Variants in KMT2B observed in about 807,000 individuals in gnomAD.
KMT2B encodes histone-lysine N-methyltransferase 2B.
Under a neutral mutation model 255.3 loss-of-function variants are expected in KMT2B, and 22 were observed. The ratio of observed to expected loss-of-function variants is 0.09; its 90% CI spans 0.06 to 0.12. The LOEUF (loss-of-function observed/expected upper bound fraction) is 0.12, where lower values mean the gene tolerates loss of function less well. Among genes scored for constraint, KMT2B ranks in the 10% least tolerant of loss-of-function variants. The probability of loss-of-function intolerance (pLI) is 1.00; values close to 1 mark genes in which losing one functional copy is unlikely to be tolerated. For missense variants in KMT2B, 3,149 were observed against 3,737.0 expected (o/e 0.84, Z 4.10); for synonymous variants, 1,730 against 1,498.1 (o/e 1.15, Z -3.57).
chr19:35,730,304 C>T (rs1488147326), intron 23 of KMT2B, 38 bp from the exon 24 acceptor site: 2 of 1,607,646 alleles, frequency 1.2e-6, no homozygotes, highest in Non-Finnish European at 1.7e-6. Flanking sequence ...ACCTCCCCCA[C>T]CAATGCAGCC....
In KMT2B at chr19:35,722,699, G is replaced by A; in HGVS notation, c.2703G>A (p.Arg901=). ...PRLSALPLRD[R]QDLATEDTSS... is the part of the protein sequence containing the mutation. Reference sequence around the variant, plus strand: ...TCAGTGCCCTCCCTCTCCGGGATCGGCAGGACCTCGCCACAGAGGGTAGGT... The same window carrying A: ...TCAGTGCCCTCCCTCTCCGGGATCGACAGGACCTCGCCACAGAGGGTAGGT... The change falls in exon 5 of 37, where the codon CGG becomes CGA. Residue 901 remains arginine (R), a synonymous_variant. Coordinates refer to ENST00000420124, the MANE Select transcript of KMT2B (RefSeq NM_014727.3). 6.2e-7 allele frequency: 1 copy of A among 1,603,766 alleles called. No individual in the cohort carries two copies. Among genetic ancestry groups the A allele is most frequent in the Non-Finnish European group, 8.5e-7 (1 of 1,174,826 alleles).
At chr19:35,730,501 C>A (rs747397677) in intron 24 of KMT2B, 37 bp from the exon 25 acceptor site, 21 of 1,613,982 alleles carry the variant, frequency 1.3e-5, no homozygotes, top group Middle Eastern at 1.6e-4. Context: ...CCTACCCTGT[C>A]CTGCCTGCCT....
intron 5 of KMT2B, 129 bp from the exon 6 acceptor site, chr19:35,722,866 C>T (rs551609730): frequency 7.0e-7 from 1 of 1,419,482 alleles, no homozygotes; most frequent in South Asian, 1.5e-5. Context: ...CCTAGAGCAA[C>T]TTCATTTGGG....
In KMT2B at chr19:35,732,974, T is replaced by C; in HGVS notation, c.6425T>C (p.Leu2142Pro). Reference sequence around the variant, plus strand: ...GAGTCACTCCCCCCGGCGCCTCCCCTGGCTAATGGCAGCCAGCCCTCCCAA... The same window carrying C: ...GAGTCACTCCCCCCGGCGCCTCCCCCGGCTAATGGCAGCCAGCCCTCCCAA... ...REESLPPAPP[L>P]ANGSQPSQGL... The change falls in exon 28 of 37, where the codon CTG (leucine) becomes CCG (proline). Residue 2142 changes from leucine (L) to proline (P), a missense_variant. Coordinates refer to ENST00000420124, the MANE Select transcript of KMT2B (RefSeq NM_014727.3). 1 of 1,602,974 alleles carries C rather than the reference T, an allele frequency of 6.2e-7. No individual in the cohort carries two copies. Among genetic ancestry groups the C allele is most frequent in the Non-Finnish European group, 8.5e-7 (1 of 1,175,568 alleles).
chr19:35,730,201 A>G, intron 23 of KMT2B, 76 bp downstream of exon 23: 1 of 1,602,822 alleles, frequency 6.2e-7, no homozygotes, highest in Non-Finnish European at 8.5e-7. Context: ...CGTGGCCCCC[A>G]GGCCTGGCCC....
chr19:35,722,841 G>A (rs1397831230), intron 5 of KMT2B, 123 bp downstream of exon 5: 1 of 1,429,642 alleles, frequency 7.0e-7, no homozygotes, highest in East Asian at 2.4e-5. Flanking sequence ...TGGCAAGTGG[G>A]CTGGAGTGCT....
Position 35,721,250 on chromosome 19 carries a change from C to T in KMT2B, c.1903C>T (p.Pro635Ser). ...ACCTCCCCCGGCCCCCTCCCCACCC[C>T]CTGCTCCTGCCACCTCCTCCCGGAG... ...PPPPPAPSPPPAPATSSRRPL... is the reference protein window; with the variant it reads ...PPPPPAPSPPSAPATSSRRPL... Residue 635 changes from proline to serine, a missense_variant, in exon 3 of 37, where the codon CCT becomes TCT. Pro to Ser is a moderately conservative substitution (Grantham distance 74, BLOSUM62 -1). Coordinates refer to ENST00000420124, the MANE Select transcript of KMT2B (RefSeq NM_014727.3). 1 of 1,527,998 alleles carries T rather than the reference C, an allele frequency of 6.5e-7. No homozygotes were observed. The highest frequency in any genetic ancestry group is 8.8e-7 in the Non-Finnish European group (1 of 1,136,652). The allele number at this position is 1,527,998 out of a possible 1,614,324, so 94.7% of individuals were successfully genotyped here. A position where few individuals can be genotyped will look rare whatever the true frequency, so the allele number is the denominator to read the frequency against.
chr19:35,732,506 T>G lies in KMT2B; in HGVS notation c.5957T>G (p.Leu1986Arg), dbSNP rs1290126442. The G allele has an allele frequency of 2.5e-6, 4 of 1,613,914 alleles. No homozygotes were observed. ...GAGGACATGGAGGTGGTGTCAGGACTGAGTGCTGCTGACCTGGACTTCGCG... is the reference window on the plus strand; with the variant it reads ...GAGGACATGGAGGTGGTGTCAGGACGGAGTGCTGCTGACCTGGACTTCGCG... ...DFEDMEVVSG[L>R]SAADLDFAAS... is the part of the protein sequence containing the mutation. The change falls in exon 28 of 37, where the codon CTG becomes CGG. Residue 1986 changes from leucine to arginine, a missense_variant. Leu to Arg is a moderately radical substitution (Grantham distance 102). Transcript: ENST00000420124.
At position 35,721,168 on chromosome 19, in the gene KMT2B, C is replaced by A; in HGVS notation, c.1821C>A (p.Pro607=). Residue 607 remains proline, a synonymous_variant, in exon 3 of 37, where the codon CCC becomes CCA. Transcript: ENST00000420124. ...AGAGACGGTCCATCCTAAGGGAACC[C>A]ACATTTCGCTGGACCTCACTGACCC... The part of the protein sequence containing the change: ...PEKRRSILRE[P]TFRWTSLTRE... The A allele has an allele frequency of 6.4e-7, 1 of 1,572,028 alleles. No individual in the cohort carries two copies. The highest frequency in any genetic ancestry group is 8.6e-7 in the Non-Finnish European group (1 of 1,160,054).
rs1421208256 is a variant in KMT2B, at chr19:35,721,538, C to T, written c.2191C>T (p.Pro731Ser). The T allele has an allele frequency of 6.2e-7, 1 of 1,611,696 alleles. No homozygotes were observed. Among genetic ancestry groups the T allele is most frequent in the Non-Finnish European group, 8.5e-7 (1 of 1,179,862 alleles). ...CGGGGCTCCAGCTCTGAGCAACGGG[C>T]CACAGACACAGGCTCAGCTACTGCA... ...PHGAPALSNG[P>S]QTQAQLLQPL... Residue 731 changes from proline (P) to serine (S), a missense_variant, in exon 3 of 37, where the codon CCA becomes TCA. By Grantham distance (74) the Pro-to-Ser change is moderately conservative. Around this residue, in one of 18 missense-constraint regions of KMT2B, gnomAD observed 1,188 missense variants for 1,106.4 expected, o/e 1.07. Transcript: ENST00000420124.
Position 35,733,069 on chromosome 19 carries a change from G to T in KMT2B, c.6520G>T (p.Val2174Leu), listed in dbSNP as rs772291191. 1 of 1,575,678 alleles carries T rather than the reference G, an allele frequency of 6.3e-7. No individual in the cohort carries two copies. The highest frequency in any genetic ancestry group is 8.6e-7 in the Non-Finnish European group (1 of 1,160,726). Reference protein sequence around the residue: ...AWLPGAPGVRVLSLGPAPEPP... With the variant: ...AWLPGAPGVRLLSLGPAPEPP... ...GCTCCCAGGGGCCCCAGGGGTCCGGGTGTTAAGCCTTGGCCCTGCCCCTGA... is the reference window on the plus strand; with the variant it reads ...GCTCCCAGGGGCCCCAGGGGTCCGGTTGTTAAGCCTTGGCCCTGCCCCTGA... Residue 2174 changes from valine to leucine, a missense_variant, in exon 28 of 37, where the codon GTG becomes TTG. Val to Leu is a conservative substitution (Grantham distance 32, BLOSUM62 1). Transcript: ENST00000420124. The surrounding 1 kb of genome is among the most constrained non-coding windows in gnomAD (Gnocchi z 4.3).
rs773651397 is a variant in KMT2B, at chr19:35,723,401, A to T, written c.3003-46A>T. On this transcript the variant is annotated intron_variant, in intron 6 of 36. Transcript: ENST00000420124. This position sits in a 1 kb window ranked among gnomAD's most constrained non-coding sequence, Gnocchi z 7.5. ...TGTGGAGAGCTTCCTCTCTTCCCCC[A>T]GACCACCAGTCCCCTACCCTGGTGA... 5 of 1,542,028 alleles carry T rather than the reference A, an allele frequency of 3.2e-6. No homozygotes were observed. The highest frequency in any genetic ancestry group is 4.4e-6 in the Non-Finnish European group (5 of 1,139,926).
rs750055813 is a variant in KMT2B at position 35,732,387 on chromosome 19, A to G, written c.5838A>G (p.Ser1946=). The G allele has an allele frequency of 2.0e-5, 32 of 1,612,936 alleles. No individual in the cohort carries two copies. The highest frequency in any genetic ancestry group is 2.5e-5 in the Non-Finnish European group (29 of 1,179,466). The change falls in exon 28 of 37, where the codon TCA becomes TCG. Residue 1946 remains serine (S), a synonymous_variant. Transcript: ENST00000420124. ...SPQLRVPPPT[S]VVTALTPTSG... ...AGCTCAGGGTGCCCCCTCCTACCTC[A>G]GTCGTCACAGCCCTCACACCTACCT...
Position 35,729,028 on chromosome 19 carries a change from C to G in KMT2B, c.4731C>G (p.Asp1577Glu). ...KDPAAFSHLE[D>E]PRQCALCLKY... ...CGGCTGCCTTCTCACACCTGGAGGA[C>G]CCCCGTCAGTGTGCACTCTGCCTCA... The change falls in exon 21 of 37, where the codon GAC (aspartate) becomes GAG (glutamate). Residue 1577 changes from aspartate to glutamate, a missense_variant. By Grantham distance (45) the Asp-to-Glu change is conservative. This residue lies in a region of KMT2B where 377 missense variants were observed against 471.0 expected (regional missense o/e 0.80). Coordinates refer to ENST00000420124, the MANE Select transcript of KMT2B (RefSeq NM_014727.3). The G allele has an allele frequency of 6.2e-7, 1 of 1,613,998 alleles. No individual in the cohort carries two copies. The highest frequency in any genetic ancestry group is 8.5e-7 in the Non-Finnish European group (1 of 1,179,890).
In KMT2B at chr19:35,729,004, G is replaced by A. The variant is rs767363975; in HGVS notation, c.4707G>A (p.Pro1569=). Residue 1569 remains proline, a synonymous_variant, in exon 21 of 37, where the codon CCG becomes CCA. Transcript: ENST00000420124. ...CTTCAGCATTCCAGGGCAAGGATCCGGCTGCCTTCTCACACCTGGAGGACC... is the reference window on the plus strand; with the variant it reads ...CTTCAGCATTCCAGGGCAAGGATCCAGCTGCCTTCTCACACCTGGAGGACC... ...DPSAAFQGKD[P]AAFSHLEDPR... is the part of the protein sequence containing the mutation. The A allele has an allele frequency of 1.5e-5, 25 of 1,613,928 alleles. No individual in the cohort carries two copies. Among genetic ancestry groups the A allele is most frequent in the Non-Finnish European group, 1.8e-5 (21 of 1,179,868 alleles).
In KMT2B at chr19:35,738,590, T is replaced by A. The variant is rs1039080863; in HGVS notation, c.*33T>A. The A allele has an allele frequency of 5.0e-5, 80 of 1,597,012 alleles. No individual in the cohort carries two copies. In the East Asian group the frequency reaches 1.7e-3, roughly 35 times the overall value. On this transcript the variant is annotated 3_prime_UTR_variant, in exon 37 of 37. Coordinates refer to ENST00000420124, the MANE Select transcript of KMT2B (RefSeq NM_014727.3). The surrounding 1 kb of genome is among the most constrained non-coding windows in gnomAD (Gnocchi z 8.7). ...GCTGCCCACCACGACCCCTCACACC[T>A]CCTGCTGCCGTCGCTGCCATCTTGC... is the stretch of plus-strand genomic sequence containing the variant.
chr19:35,727,053 G>A lies in KMT2B; in HGVS notation c.4004-103G>A, dbSNP rs1228949226. The A allele has an allele frequency of 6.8e-6, 5 of 731,244 alleles. No homozygotes were observed. In the East Asian group the frequency reaches 1.1e-4, roughly 16 times the overall value. 45.3% of individuals were successfully genotyped at this position (731,244 alleles called of 1,614,324 possible). On this transcript the variant is annotated intron_variant, in intron 14 of 36. Transcript: ENST00000420124. This position sits in a 1 kb window ranked among gnomAD's most constrained non-coding sequence, Gnocchi z 4.2. ...GGGACTAGTAGGGGCCCAAAACAGGGGCATAGTGGAGGCAGCTAAGGTACT... is the reference window on the plus strand; with the variant it reads ...GGGACTAGTAGGGGCCCAAAACAGGAGCATAGTGGAGGCAGCTAAGGTACT...
Position 35,720,587 on chromosome 19 carries a change from C to G in KMT2B, c.1240C>G (p.Pro414Ala). The G allele has an allele frequency of 6.6e-7, 1 of 1,517,586 alleles. No individual in the cohort carries two copies. The allele number at this position is 1,517,586 out of a possible 1,614,324, so 94.0% of individuals were successfully genotyped here. The change falls in exon 3 of 37, where the codon CCT becomes GCT. Residue 414 changes from proline to alanine, a missense_variant. Coordinates refer to ENST00000420124, the MANE Select transcript of KMT2B (RefSeq NM_014727.3). ...PPLTPPAPSP[P>A]PPLPPPSTSP... Reference sequence around the variant, plus strand: ...TCTGACTCCTCCAGCCCCTTCACCTCCTCCACCCCTCCCACCCCCTTCGAC... The same window carrying G: ...TCTGACTCCTCCAGCCCCTTCACCTGCTCCACCCCTCCCACCCCCTTCGAC...
rs1488906758 is a variant in KMT2B at position 35,730,360 on chromosome 19, G to T, written c.5095G>T (p.Gly1699Cys). Reference sequence around the variant, plus strand: ...CTTCCAGGAAATTGTGAACCCCGATGGTTTTGATGTTCTCCGCCGAGTCTA... The same window carrying T: ...CTTCCAGGAAATTGTGAACCCCGATTGTTTTGATGTTCTCCGCCGAGTCTA... The part of the protein sequence containing the change: ...LDGKEIVNPD[G>C]FDVLRRVYVD... Residue 1699 changes from glycine to cysteine, a missense_variant, in exon 24 of 37, where the codon GGT becomes TGT. Physicochemically the swap from Gly to Cys is radical, Grantham distance 159. Around this residue, in one of 18 missense-constraint regions of KMT2B, gnomAD observed 58 missense variants for 96.9 expected, o/e 0.60. Coordinates refer to ENST00000420124, the MANE Select transcript of KMT2B (RefSeq NM_014727.3). The T allele has an allele frequency of 8.7e-6, 14 of 1,612,140 alleles. No homozygotes were observed. Among genetic ancestry groups the T allele is most frequent in the Non-Finnish European group, 1.1e-5 (13 of 1,178,450 alleles).
Sources: allele counts gnomAD v4.1 joint callset, GRCh38; gene constraint gnomAD v4.1.1; regional missense constraint gnomAD v4.1.1; non-coding constraint Gnocchi (gnomAD v3.1); transcripts MANE v1.5; gene names NCBI Gene and HGNC (gene_info 2026-07-23, HGNC 2026-07-21).